Variants in IBA57 observed in about 807,000 individuals in gnomAD.
IBA57 encodes the protein iron-sulfur cluster assembly factor IBA57, mitochondrial.
Under a neutral mutation model 20.4 loss-of-function variants are expected in IBA57, and 20 were observed. The ratio of observed to expected loss-of-function variants is 0.98; its 90% CI spans 0.69 to 1.42. The LOEUF (loss-of-function observed/expected upper bound fraction) is 1.42. Ranked by LOEUF, IBA57 falls within the 40% of genes most tolerant of loss-of-function variation. The pLI, the probability that IBA57 is intolerant of heterozygous loss-of-function variation, is 0.00. For synonymous variants in IBA57, 310 were observed against 233.9 expected (o/e 1.33, Z -2.97); for missense variants, 608 against 499.3 (o/e 1.22, Z -2.07).
At position 228,174,794 on chromosome 1, in the gene IBA57, G is replaced by A; in HGVS notation, c.444G>A (p.Lys148=). The A allele has an allele frequency of 6.2e-7, 1 of 1,611,128 alleles. No individual in the cohort carries two copies. Among genetic ancestry groups the A allele is most frequent in the Non-Finnish European group, 8.5e-7 (1 of 1,179,578 alleles). ...KHLALYRIRR[K]VTVEPHPELR... ...TCGCGCTATACAGGATCCGGCGGAA[G>A]GTCACGGTGGAGCCGCACCCGGAGC... Residue 148 remains lysine (K), a synonymous_variant, in exon 2 of 3, where the codon AAG becomes AAA. Transcript: ENST00000366711.
chr1:228,169,093 T>C (rs1047652072), intron 1 of IBA57, among the ~76,000 whole-genome samples: 1 of 151,996 alleles, frequency 6.6e-6, no homozygotes, highest in Non-Finnish European at 1.5e-5. Context: ...GAGTGTAAAC[T>C]CTTTTCCTTG....
intron 1 of IBA57, among the ~76,000 whole-genome samples, chr1:228,173,849 C>G (rs2034960241): frequency 6.6e-6 from 1 of 152,228 alleles, no homozygotes; most frequent in African/African-American, 2.4e-5. Context: ...TATTGCAGTT[C>G]TGCCAGTCCC....
At chr1:228,167,752 C>G (rs2034871391) in intron 1 of IBA57, among the ~76,000 whole-genome samples, 1 of 152,200 alleles carries the variant, frequency 6.6e-6, no homozygotes, top group Non-Finnish European at 1.5e-5. Flanking sequence ...AGTGTGCCCA[C>G]CCTAGCTCAA....
Position 228,182,087 on chromosome 1 carries a change from T to A in IBA57, c.*6574T>A, listed in dbSNP as rs1442165751. The A allele has an allele frequency of 6.6e-6, 1 of 152,100 alleles. No individual in the cohort carries two copies. The highest frequency in any genetic ancestry group is 1.5e-5 in the Non-Finnish European group (1 of 68,020). 9.4% of individuals were successfully genotyped at this position (152,100 alleles called of 1,614,324 possible). A position where few individuals can be genotyped will look rare whatever the true frequency, so the allele number is the denominator to read the frequency against. The stretch of plus-strand genomic sequence containing the variant: ...TAATACATTTTGTTTTATGTCAGAC[T>A]CTCTCAGTGAGAAGTTCTCAGGGAC... On this transcript the variant is annotated 3_prime_UTR_variant, in exon 3 of 3. Coordinates refer to ENST00000366711, the MANE Select transcript of IBA57 (RefSeq NM_001010867.4).
rs2034987621 is a variant in IBA57 at position 228,174,919 on chromosome 1, GAACAGCA to G, written c.570_576del (p.Thr191AlafsTer58). On this transcript the variant is annotated frameshift_variant, in exon 2 of 3. Coordinates refer to ENST00000366711, the MANE Select transcript of IBA57 (RefSeq NM_001010867.4). LOFTEE classifies it high-confidence loss of function. ...GCCGCCATCCTCATCCGCGACCCGC[GAACAGCA>G]CGCATGGGGTGGCGGCTCCTCACCC... The G allele has an allele frequency of 1.9e-6, 3 of 1,598,672 alleles. No homozygotes were observed. Among genetic ancestry groups the G allele is most frequent in the Non-Finnish European group, 2.6e-6 (3 of 1,171,826 alleles).
In IBA57 at chr1:228,175,291, G is replaced by A; in HGVS notation, c.849G>A (p.Arg283=). The part of the protein sequence containing the change: ...GVIRKRLFPV[R]FLDPLPTSGI... ...TCCGCAAGCGCCTCTTCCCTGTCCG[G>A]TTCTTGGACCCCCTTCCCACCAGTG... Residue 283 remains arginine (R), a synonymous_variant, in exon 3 of 3, where the codon CGG becomes CGA. Coordinates refer to ENST00000366711, the MANE Select transcript of IBA57 (RefSeq NM_001010867.4). 1 of 1,612,890 alleles carries A rather than the reference G, an allele frequency of 6.2e-7. No individual in the cohort carries two copies. The highest frequency in any genetic ancestry group is 8.5e-7 in the Non-Finnish European group (1 of 1,179,984).
At chr1:228,166,396 G>A (rs2034854205) in intron 1 of IBA57, among the ~76,000 whole-genome samples, 1 of 152,184 alleles carries the variant, frequency 6.6e-6, no homozygotes, top group Non-Finnish European at 1.5e-5. Flanking sequence ...CCAGGGCCCA[G>A]CACCCGGGGG....
chr1:228,168,118 G>A (rs889774101), intron 1 of IBA57, among the ~76,000 whole-genome samples: 1 of 152,150 alleles, frequency 6.6e-6, no homozygotes, highest in African/African-American at 2.4e-5. Flanking sequence ...GCCACCCTGA[G>A]ACGGCAAGAC....
At chr1:228,169,278 A>G (rs2034893894) in intron 1 of IBA57, among the ~76,000 whole-genome samples, 1 of 152,004 alleles carries the variant, frequency 6.6e-6, no homozygotes, top group African/African-American at 2.4e-5. Context: ...TCCTGACTGT[A>G]GGATTTTTTA....
rs947083 is a variant in IBA57, at chr1:228,179,112, C to T, written c.*3599C>T. 143,963 of 150,802 alleles carry T rather than the reference C, an allele frequency of 0.95. 69,089 individuals are homozygous for T. The highest frequency in any genetic ancestry group is 1 in the East Asian group (5,092 of 5,092). 9.3% of individuals were successfully genotyped at this position (150,802 alleles called of 1,614,324 possible). On this transcript the variant is annotated 3_prime_UTR_variant, in exon 3 of 3. Coordinates refer to ENST00000366711, the MANE Select transcript of IBA57 (RefSeq NM_001010867.4). ...GGAATTTTTTTTTTTTTTTGAGATA[C>T]CAAAACATCCTAAGGTACAGGAAAG...
At chr1:228,167,848 A>G (rs965890623) in intron 1 of IBA57, among the ~76,000 whole-genome samples, 8 of 152,162 alleles carry the variant, frequency 5.3e-5, no homozygotes, top group South Asian at 2.1e-4. Context: ...TAGCTGCTTT[A>G]ATTTCTTCAT....
chr1:228,165,988 C>A lies in IBA57; in HGVS notation c.172C>A (p.Leu58Met). Residue 58 changes from leucine to methionine, a missense_variant, in exon 1 of 3, where the codon CTG becomes ATG. Physicochemically the swap from Leu to Met is conservative, Grantham distance 15 (BLOSUM62 2). Coordinates refer to ENST00000366711, the MANE Select transcript of IBA57 (RefSeq NM_001010867.4). ...WACFRLDGRT[L>M]LRVRGPDAAP... ...CTGCTTCCGGCTGGACGGGCGCACC[C>A]TGCTGCGCGTGCGTGGCCCCGACGC... is the stretch of plus-strand genomic sequence containing the variant. 1.3e-6 allele frequency: 2 copies of A among 1,525,868 alleles called. No individual in the cohort carries two copies. The highest frequency in any genetic ancestry group is 8.7e-7 in the Non-Finnish European group (1 of 1,144,030). The allele number at this position is 1,525,868 out of a possible 1,614,324, so 94.5% of individuals were successfully genotyped here.
chr1:228,167,005 C>T (rs1360063044), intron 1 of IBA57, among the ~76,000 whole-genome samples: 2 of 152,154 alleles, frequency 1.3e-5, no homozygotes, highest in African/African-American at 4.8e-5. Context: ...TACCTGATAT[C>T]CTGGCTGGGT....
chr1:228,175,702 GGTT>G lies in IBA57; in HGVS notation c.*193_*195del, dbSNP rs1313293187. 1.1e-5 allele frequency: 7 copies of G among 623,766 alleles called. No individual in the cohort carries two copies. The Admixed American group carries it at 2.5e-4, about 22-fold the overall frequency. The allele number at this position is 623,766 out of a possible 1,614,324, so 38.6% of individuals were successfully genotyped here. A position where few individuals can be genotyped will look rare whatever the true frequency, so the allele number is the denominator to read the frequency against. On this transcript the variant is annotated 3_prime_UTR_variant, in exon 3 of 3. Transcript: ENST00000366711. ...CATGCTCAGGGGCCCCAGGCACGTG[GGTT>G]GTTTTCTCCCTGGACTTCCTGTGGC...
rs1024869962 is a variant in IBA57 at position 228,170,363 on chromosome 1, C to T, written c.341+4206C>T. On this transcript the variant is annotated intron_variant, in intron 1 of 2. Coordinates refer to ENST00000366711, the MANE Select transcript of IBA57 (RefSeq NM_001010867.4). This position sits in a 1 kb window ranked among gnomAD's most constrained non-coding sequence, Gnocchi z 4.8. ...TTTTTATTTTTTAGACACAGGGTCT[C>T]GCTCCATTGCCCAGGCTGGAGTGCA... is the stretch of plus-strand genomic sequence containing the variant. 2.6e-5 allele frequency among the ~76,000 whole-genome samples: 4 copies of T among 152,038 alleles called. No individual in the cohort carries two copies. Among genetic ancestry groups the T allele is most frequent in the East Asian group, 1.9e-4 (1 of 5,174 alleles).
chr1:228,177,047 C>T lies in IBA57; in HGVS notation c.*1534C>T, dbSNP rs112677289. 2,769 of 152,384 alleles carry T rather than the reference C, an allele frequency of 0.018. 38 individuals carry two copies. Among genetic ancestry groups the T allele is most frequent in the African/African-American group, 0.039 (1,623 of 41,592 alleles). The allele number at this position is 152,384 out of a possible 1,614,324, so 9.4% of individuals were successfully genotyped here. On this transcript the variant is annotated 3_prime_UTR_variant, in exon 3 of 3. Coordinates refer to ENST00000366711, the MANE Select transcript of IBA57 (RefSeq NM_001010867.4). ...CAGCATCCCTGCAACCTTTTCAGCC[C>T]CACTGGCTGCTGCTTTAAACTGGCA...
At position 228,179,204 on chromosome 1, in the gene IBA57, C is replaced by A. The variant is rs74142629; in HGVS notation, c.*3691C>A. On this transcript the variant is annotated 3_prime_UTR_variant, in exon 3 of 3. Transcript: ENST00000366711. ...GCAGAAAGGCAGACAGAAGCACACACACCAATGTTCTGATCTTAGAGTAAG... is the reference window on the plus strand; with the variant it reads ...GCAGAAAGGCAGACAGAAGCACACAAACCAATGTTCTGATCTTAGAGTAAG... 6.6e-6 allele frequency: 1 copy of A among 151,824 alleles called. No individual in the cohort carries two copies. Among genetic ancestry groups the A allele is most frequent in the Admixed American group, 6.6e-5 (1 of 15,240 alleles). 9.4% of individuals were successfully genotyped at this position (151,824 alleles called of 1,614,324 possible). A position where few individuals can be genotyped will look rare whatever the true frequency, so the allele number is the denominator to read the frequency against.
Position 228,179,396 on chromosome 1 carries a change from C to T in IBA57, c.*3883C>T, listed in dbSNP as rs992170973. On this transcript the variant is annotated 3_prime_UTR_variant, in exon 3 of 3. Coordinates refer to ENST00000366711, the MANE Select transcript of IBA57 (RefSeq NM_001010867.4). ...TTCCATGATGTGTTTCCTGAAGAAT[C>T]GGGAACTGTTTGAAGAAATGACCCA... 5.3e-5 allele frequency: 8 copies of T among 152,128 alleles called. No homozygotes were observed. Among genetic ancestry groups the T allele is most frequent in the South Asian group, 2.1e-4 (1 of 4,830 alleles). 9.4% of individuals were successfully genotyped at this position (152,128 alleles called of 1,614,324 possible).
intron 1 of IBA57, chr1:228,172,083 TG>T (rs1475161133): frequency 8.3e-5 from 12 of 144,180 alleles, no homozygotes; most frequent in African/African-American, 2.9e-4. Context: ...TTTTTTTTGT[TG>T]TTGTTGTTGT....
Sources: allele counts gnomAD v4.1 joint callset (sites outside exome capture counted in the v4.1 genomes callset), GRCh38; gene constraint gnomAD v4.1.1; non-coding constraint Gnocchi (gnomAD v3.1); transcripts MANE v1.5; gene names NCBI Gene and HGNC (gene_info 2026-07-23, HGNC 2026-07-21).